PDE1A: variants seen among roughly 807,000 people sequenced by gnomAD.
PDE1A encodes dual specificity calcium/calmodulin-dependent 3',5'-cyclic nucleotide phosphodiesterase 1A.
A neutral mutation model predicts 61.7 loss-of-function variants in PDE1A; 35 were observed. The observed-to-expected ratio is 0.57, with a 90% CI of 0.43 to 0.75. The LOEUF (loss-of-function observed/expected upper bound fraction) is 0.75, where lower values mean the gene tolerates loss of function less well. PDE1A is among the 30% of genes least tolerant of loss of function. The probability of loss-of-function intolerance (pLI) is 0.00; values close to 1 mark genes in which losing one functional copy is unlikely to be tolerated. For synonymous variants in PDE1A, 232 were observed against 213.2 expected (o/e 1.09, Z -0.77); for missense variants, 597 against 630.6 (o/e 0.95, Z 0.57).
chr2:182,385,547 G>C, intron 1 of PDE1A, among the ~76,000 whole-genome samples: 1 of 146,490 alleles, frequency 6.8e-6, no homozygotes, highest in Admixed American at 6.8e-5. Context: ...AAAATCTATA[G>C]TGGATACACA....
intron 1 of PDE1A, among the ~76,000 whole-genome samples, chr2:182,276,847 C>CT (rs375135926): frequency 1.3e-3 from 196 of 152,084 alleles, no homozygotes; most frequent in African/African-American, 4.5e-3. Context: ...AACAGCTGCT[C>CT]TAGGAGTGTC....
chr2:182,230,347 T>C (rs1452139771), intron 5 of PDE1A, among the ~76,000 whole-genome samples: 2 of 152,158 alleles, frequency 1.3e-5, no homozygotes, highest in African/African-American at 2.4e-5. Context: ...CCCCCAAGTA[T>C]TTGACTAGGA....
At chr2:182,270,413 T>A (rs1692933223) in intron 1 of PDE1A, among the ~76,000 whole-genome samples, 1 of 152,066 alleles carries the variant, frequency 6.6e-6, no homozygotes, top group South Asian at 2.1e-4. Flanking sequence ...TACCGTTACA[T>A]AACCCAATCT....
intron 7 of PDE1A, among the ~76,000 whole-genome samples, chr2:182,206,397 G>C (rs1033707214): frequency 3.3e-5 from 5 of 152,032 alleles, no homozygotes; most frequent in African/African-American, 1.2e-4. Context: ...AACCTACATA[G>C]ACACATCATT....
At chr2:182,684,596 G>A in the PDE1A span, among the ~76,000 whole-genome samples, 2 of 152,066 alleles carry the variant, frequency 1.3e-5, no homozygotes, top group African/African-American at 4.8e-5. Flanking sequence ...TGTCACCCAG[G>A]CTGGAGTGCA....
intron 1 of PDE1A, among the ~76,000 whole-genome samples, chr2:182,273,466 A>T (rs1391696737): frequency 6.6e-6 from 1 of 151,216 alleles, no homozygotes. Flanking sequence ...TAGATTTAAC[A>T]TAAAAAATAT....
At chr2:182,681,624 G>A in the PDE1A span, among the ~76,000 whole-genome samples, 1 of 151,004 alleles carries the variant, frequency 6.6e-6, no homozygotes, top group Non-Finnish European at 1.5e-5. Context: ...ATCTACTTAA[G>A]GTCTTTGCTT....
the PDE1A span, among the ~76,000 whole-genome samples, chr2:182,591,733 T>C: frequency 6.6e-6 from 1 of 152,202 alleles, no homozygotes; most frequent in South Asian, 2.1e-4. Context: ...GGACAGGAGG[T>C]TGAGAGGCAA....
chr2:182,431,121 T>TAA (rs538631665), upstream of PDE1A, among the ~76,000 whole-genome samples: 7 of 121,512 alleles, frequency 5.8e-5, no homozygotes, highest in Non-Finnish European at 1.0e-4. Flanking sequence ...AAAAAAACAT[T>TAA]AAAAAAAAAA....
At chr2:182,646,935 C>T in the PDE1A span, among the ~76,000 whole-genome samples, 44 of 152,254 alleles carry the variant, frequency 2.9e-4, no homozygotes, top group Middle Eastern at 3.4e-3. Flanking sequence ...TCCATCTAGG[C>T]CTGCGTGGAG....
chr2:182,626,305 T>A, the PDE1A span, among the ~76,000 whole-genome samples: 1 of 152,132 alleles, frequency 6.6e-6, no homozygotes, highest in Non-Finnish European at 1.5e-5. Context: ...TAACACTCAA[T>A]TGAATCTGAA....
At chr2:182,716,735 C>T in the PDE1A span, among the ~76,000 whole-genome samples, 1 of 152,210 alleles carries the variant, frequency 6.6e-6, no homozygotes, top group Non-Finnish European at 1.5e-5. Context: ...ACCAGCAACA[C>T]TTAACAGCCC....
intron 2 of PDE1A, chr2:182,241,931 T>A: frequency 6.6e-7 from 1 of 1,517,144 alleles, no homozygotes; most frequent in Non-Finnish European, 8.8e-7. Flanking sequence ...TTAGATTCCC[T>A]AGCCCATTTC....
the PDE1A span, among the ~76,000 whole-genome samples, chr2:182,651,407 A>C: frequency 7.2e-5 from 11 of 152,360 alleles, no homozygotes; most frequent in Non-Finnish European, 1.6e-4. Flanking sequence ...TTGCTGCTAC[A>C]AAAATGTATC....
At chr2:182,247,661 T>A (rs1037925580) in intron 2 of PDE1A, among the ~76,000 whole-genome samples, 1 of 152,178 alleles carries the variant, frequency 6.6e-6, no homozygotes, top group Non-Finnish European at 1.5e-5. Flanking sequence ...AAAACTATAA[T>A]GTAATATGGA....
intron 2 of PDE1A, among the ~76,000 whole-genome samples, chr2:182,498,692 T>C (rs957004166): frequency 2.6e-5 from 4 of 151,922 alleles, no homozygotes; most frequent in African/African-American, 4.8e-5. Context: ...CACCTGTAAT[T>C]CCAGCACTTT....
chr2:182,567,143 G>A, the PDE1A span, among the ~76,000 whole-genome samples: 1 of 152,100 alleles, frequency 6.6e-6, no homozygotes, highest in East Asian at 1.9e-4. Flanking sequence ...AAATCACTCT[G>A]TAATGCCATC....
chr2:182,176,146 T>C (rs1692755092), intron 13 of PDE1A, among the ~76,000 whole-genome samples: 1 of 148,726 alleles, frequency 6.7e-6, no homozygotes, highest in Admixed American at 6.6e-5. Flanking sequence ...TCTTTTGGCT[T>C]AGGATTGACT....
chr2:182,315,821 A>G (rs1696303081), intron 1 of PDE1A, among the ~76,000 whole-genome samples: 1 of 152,166 alleles, frequency 6.6e-6, no homozygotes, highest in Admixed American at 6.5e-5. Context: ...GTTTTGGCAG[A>G]GAGGATCTGG....
Sources: gnomAD v4.1 joint callset for allele counts (sites outside exome capture counted in the v4.1 genomes callset) on GRCh38, gnomAD v4.1.1 for gene constraint, MANE v1.5 for transcripts, NCBI Gene and HGNC (gene_info 2026-07-23, HGNC 2026-07-21) for gene names.